The following CNTNAP2 variants were observed in gnomAD, a reference collection of about 807,000 sequenced individuals.
The protein encoded by CNTNAP2 is contactin-associated protein-like 2.
CNTNAP2 carries 98 observed loss-of-function variants against 155.2 expected under a neutral mutation model. That is an observed-to-expected ratio of 0.63 (90% CI 0.54 to 0.75). CNTNAP2 has a LOEUF of 0.75. Ranked by LOEUF, CNTNAP2 falls within the 30% of genes least tolerant of loss-of-function variation. The pLI is 0.00. For missense variants in CNTNAP2, 1,727 were observed against 1,688.1 expected, an observed-to-expected ratio of 1.02 and a Z score of -0.40; for synonymous variants, 651 against 631.2, an observed-to-expected ratio of 1.03 and a Z score of -0.47.
intron 1 of CNTNAP2, among the ~76,000 whole-genome samples, chr7:146,437,165 C>T (rs746150101): frequency 5.3e-5 from 8 of 151,368 alleles, no homozygotes; most frequent in Non-Finnish European, 1.0e-4. Context: ...TTAGGTTGCG[C>T]GCTCCTTATG....
chr7:147,175,091 A>C (rs1171796871), intron 8 of CNTNAP2, among the ~76,000 whole-genome samples: 1 of 152,178 alleles, frequency 6.6e-6, no homozygotes, highest in Admixed American at 6.5e-5. Context: ...ATTTGAAAGG[A>C]GGGCATGTAG....
intron 3 of CNTNAP2, among the ~76,000 whole-genome samples, chr7:146,875,934 C>CAAAAAAAAAAAAAAAAAAAAAAAA (rs56304234): frequency 3.6e-5 from 2 of 55,134 alleles, no homozygotes; most frequent in Admixed American, 2.5e-4. Flanking sequence ...ACATACACAG[C>CAAAAAAAAAAAAAAAAAAAAAAAA]AAAAAAAAAA....
intron 3 of CNTNAP2, among the ~76,000 whole-genome samples, chr7:146,906,320 T>C (rs984865681): frequency 2.0e-5 from 3 of 152,204 alleles, no homozygotes; most frequent in African/African-American, 7.2e-5. Context: ...GAGGCCTGGC[T>C]GCCTCTGTAG....
intron 13 of CNTNAP2, among the ~76,000 whole-genome samples, chr7:147,841,047 T>C (rs997530843): frequency 6.6e-6 from 1 of 152,172 alleles, no homozygotes; most frequent in African/African-American, 2.4e-5. Context: ...TTTCAGCAAA[T>C]TGTCAAAAAT....
chr7:146,281,335 G>C (rs1309354089), intron 1 of CNTNAP2, among the ~76,000 whole-genome samples: 2 of 152,080 alleles, frequency 1.3e-5, no homozygotes, highest in Admixed American at 6.5e-5. Context: ...TTTTATGGTA[G>C]AATTTTAAGC....
intron 15 of CNTNAP2, among the ~76,000 whole-genome samples, chr7:148,051,928 A>G (rs1038270702): frequency 3.9e-5 from 6 of 152,164 alleles, no homozygotes; most frequent in African/African-American, 1.4e-4. Flanking sequence ...TCACGAGGTC[A>G]GGAGATGGAG....
At chr7:146,793,856 C>T (rs1286110987) in intron 2 of CNTNAP2, among the ~76,000 whole-genome samples, 2 of 152,162 alleles carry the variant, frequency 1.3e-5, no homozygotes, top group Non-Finnish European at 2.9e-5. Context: ...CTCTAGGGAC[C>T]ATCAAATAAA....
At chr7:148,367,418 A>G (rs781139784) in intron 21 of CNTNAP2, among the ~76,000 whole-genome samples, 12 of 152,170 alleles carry the variant, frequency 7.9e-5, no homozygotes, top group Non-Finnish European at 1.5e-4. Flanking sequence ...ATGTTAATAC[A>G]TAATATCATT....
At chr7:146,340,327 C>T (rs1226763214) in intron 1 of CNTNAP2, among the ~76,000 whole-genome samples, 3 of 140,906 alleles carry the variant, frequency 2.1e-5, no homozygotes, top group African/African-American at 7.8e-5. Flanking sequence ...GCTTTCCTAA[C>T]ATCTAATACT....
chr7:147,825,514 G>T (rs1231405555), intron 13 of CNTNAP2, among the ~76,000 whole-genome samples: 2 of 152,060 alleles, frequency 1.3e-5, no homozygotes, highest in Admixed American at 6.6e-5. Flanking sequence ...GGAGAAACTA[G>T]GATTGTTTTT....
intron 13 of CNTNAP2, among the ~76,000 whole-genome samples, chr7:147,757,363 C>G (rs889019086): frequency 6.6e-6 from 1 of 152,136 alleles, no homozygotes; most frequent in Admixed American, 6.5e-5. Context: ...TTCAAAGAAA[C>G]AAAATTCCAG....
chr7:148,414,961 C>T (rs1157707619), intron 23 of CNTNAP2: 1 of 246,870 alleles, frequency 4.1e-6, no homozygotes, highest in Non-Finnish European at 7.9e-6. Context: ...AGGGTTCTTT[C>T]TATACATAGC....
At chr7:147,678,551 C>T (rs112453035) in intron 13 of CNTNAP2, among the ~76,000 whole-genome samples, 7 of 151,896 alleles carry the variant, frequency 4.6e-5, no homozygotes, top group Admixed American at 3.3e-4. Context: ...GTAAGGATTC[C>T]GCGTTTTTTA....
At chr7:146,558,254 G>A (rs1245758757) in intron 1 of CNTNAP2, among the ~76,000 whole-genome samples, 4 of 152,060 alleles carry the variant, frequency 2.6e-5, no homozygotes, top group Admixed American at 1.3e-4. Flanking sequence ...GAGGCCCCAC[G>A]TGGTATCTTA....
At chr7:148,254,394 G>A (rs1234956934) in intron 20 of CNTNAP2, among the ~76,000 whole-genome samples, 1 of 152,094 alleles carries the variant, frequency 6.6e-6, no homozygotes, top group Non-Finnish European at 1.5e-5. Context: ...GAATAAAGAC[G>A]AAAATAAGAA....
chr7:147,787,539 G>A (rs1797758720), intron 13 of CNTNAP2, among the ~76,000 whole-genome samples: 1 of 152,176 alleles, frequency 6.6e-6, no homozygotes, highest in South Asian at 2.1e-4. Flanking sequence ...AGCTGTTTTT[G>A]TATTCTGTAG....
chr7:148,105,441 G>A (rs779780960), intron 15 of CNTNAP2, among the ~76,000 whole-genome samples: 2 of 152,172 alleles, frequency 1.3e-5, no homozygotes, highest in African/African-American at 2.4e-5. Context: ...GGAGTAGAAA[G>A]AGATAAGGCT....
Position 147,210,531 on chromosome 7 carries a change from C to T in CNTNAP2, c.1348+78022C>T, listed in dbSNP as rs145147284. On this transcript the variant is annotated intron_variant, in intron 8 of 23. Transcript: ENST00000361727. ...TATTGGTCTATTGATCTTATTTATA[C>T]TTTAATATAGCCAACTTAATTTCAT... is the stretch of plus-strand genomic sequence containing the variant. 4.5e-3 allele frequency among the ~76,000 whole-genome samples: 676 copies of T among 151,882 alleles called. 4 individuals are homozygous for T. The highest frequency in any genetic ancestry group is 0.015 in the African/African-American group (630 of 41,486).
At chr7:148,296,783 T>G (rs1182357787) in intron 21 of CNTNAP2, among the ~76,000 whole-genome samples, 1 of 152,082 alleles carries the variant, frequency 6.6e-6, no homozygotes, top group Admixed American at 6.6e-5. Flanking sequence ...CCCTTCTGAT[T>G]TCAAGAAGCC....
Sources: allele counts gnomAD v4.1 joint callset (sites outside exome capture counted in the v4.1 genomes callset), GRCh38; gene constraint gnomAD v4.1.1; transcripts MANE v1.5; gene names NCBI Gene and HGNC (gene_info 2026-07-23, HGNC 2026-07-21).